Variants in SHC4 observed in about 807,000 individuals in gnomAD.
The protein encoded by SHC4 is SHC-transforming protein 4.
A neutral mutation model predicts 69.4 loss-of-function variants in SHC4; 41 were observed. That is an observed-to-expected ratio of 0.59 (90% CI 0.46 to 0.77). SHC4 has a LOEUF of 0.77. Among genes scored for constraint, SHC4 ranks in the 30% least tolerant of loss-of-function variants. The probability of loss-of-function intolerance (pLI) is 0.00; values close to 1 mark genes in which losing one functional copy is unlikely to be tolerated. For missense variants in SHC4, 777 were observed against 783.8 expected (o/e 0.99, Z 0.10); for synonymous variants, 318 against 299.3 (o/e 1.06, Z -0.64).
chr15:48,869,927 TTGTTTTTTA>T (rs1899635118), intron 5 of SHC4, among the ~76,000 whole-genome samples: 1 of 152,204 alleles, frequency 6.6e-6, no homozygotes, highest in Non-Finnish European at 1.5e-5. Context: ...TATTTAATGT[TTGTTTTTTA>T]TAGGAACAGT....
chr15:48,922,969 A>C (rs1163012629), intron 2 of SHC4, among the ~76,000 whole-genome samples: 1 of 152,206 alleles, frequency 6.6e-6, no homozygotes, highest in Non-Finnish European at 1.5e-5. Context: ...AAATACTGGA[A>C]GTGTAGTCAG....
At chr15:48,864,818 A>G (rs1400225612) in intron 6 of SHC4, among the ~76,000 whole-genome samples, 3 of 152,156 alleles carry the variant, frequency 2.0e-5, no homozygotes, top group African/African-American at 4.8e-5. Context: ...GCAAAACATA[A>G]TAATATTTTT....
In SHC4 at chr15:48,867,857, A is replaced by C. The variant is rs776596645; in HGVS notation, c.907T>G (p.Tyr303Asp). Residue 303 changes from tyrosine to aspartate, a missense_variant, in exon 6 of 12, where the codon TAT becomes GAT. Physicochemically the swap from Tyr to Asp is radical, Grantham distance 160. Coordinates refer to ENST00000332408, the MANE Select transcript of SHC4 (RefSeq NM_203349.4). ...ASGGDPDTTDYVAYVAKDPVN... is the reference protein window; with the variant it reads ...ASGGDPDTTDDVAYVAKDPVN... ...GGATCTTTAGCTACGTAGGCAACAT[A>C]GTCTGTAGTATCCTATAAAAAAGGG... 6.2e-7 allele frequency: 1 copy of C among 1,613,358 alleles called. No homozygotes were observed. Among genetic ancestry groups the C allele is most frequent in the Non-Finnish European group, 8.5e-7 (1 of 1,179,468 alleles).
At chr15:48,934,571 A>G (rs1424188360) in intron 1 of SHC4, among the ~76,000 whole-genome samples, 1 of 152,204 alleles carries the variant, frequency 6.6e-6, no homozygotes, top group East Asian at 1.9e-4. Context: ...AATTACCCAT[A>G]TGACCCAGCA....
chr15:48,937,789 T>A (rs1901101442), intron 1 of SHC4, among the ~76,000 whole-genome samples: 1 of 152,206 alleles, frequency 6.6e-6, no homozygotes, highest in Non-Finnish European at 1.5e-5. Flanking sequence ...AGACAGTAAG[T>A]ATTGTGCTCA....
intron 10 of SHC4, among the ~76,000 whole-genome samples, chr15:48,840,573 A>C (rs1464459067): frequency 6.6e-6 from 1 of 152,168 alleles, no homozygotes; most frequent in Non-Finnish European, 1.5e-5. Flanking sequence ...AGAAAATAGA[A>C]GGATCCATTA....
intron 2 of SHC4, among the ~76,000 whole-genome samples, chr15:48,904,804 T>C (rs1020332615): frequency 2.0e-5 from 3 of 151,900 alleles, no homozygotes. Flanking sequence ...GAGGATCACT[T>C]GAGCCCAGGA....
chr15:48,957,002 G>A, intron 1 of SHC4, among the ~76,000 whole-genome samples: 2 of 98,878 alleles, frequency 2.0e-5, no homozygotes, highest in African/African-American at 4.0e-5. Context: ...TTTTGAGACA[G>A]AGTCTTGCTC....
chr15:48,857,301 C>T (rs990943183), intron 7 of SHC4, among the ~76,000 whole-genome samples: 6 of 151,416 alleles, frequency 4.0e-5, no homozygotes, highest in Non-Finnish European at 7.4e-5. Context: ...TTTGTTCTTG[C>T]TGTGTTTTTT....
chr15:48,878,248 C>T (rs370992223), intron 4 of SHC4: 131 of 1,610,946 alleles, frequency 8.1e-5, no homozygotes, highest in Non-Finnish European at 1.1e-4. Flanking sequence ...TGATGCCTGG[C>T]GAGGGTGACC....
chr15:48,893,344 A>T (rs763957698), intron 2 of SHC4, among the ~76,000 whole-genome samples: 1 of 152,222 alleles, frequency 6.6e-6, no homozygotes, highest in Non-Finnish European at 1.5e-5. Context: ...ACTAAGAAAT[A>T]AGAGTCTAAA....
chr15:48,911,553 C>T (rs2141017065), intron 2 of SHC4, among the ~76,000 whole-genome samples: 1 of 152,248 alleles, frequency 6.6e-6, no homozygotes, highest in East Asian at 1.9e-4. Context: ...GCATTTAGGC[C>T]ATTTACATTC....
At chr15:48,859,209 C>T (rs1899388511) in intron 6 of SHC4, among the ~76,000 whole-genome samples, 1 of 151,950 alleles carries the variant, frequency 6.6e-6, no homozygotes, top group African/African-American at 2.4e-5. Context: ...TGTTTCTCAG[C>T]CTTATGTTAA....
intron 1 of SHC4, among the ~76,000 whole-genome samples, chr15:48,937,583 CATAGATAGATAG>C (rs5812469): frequency 3.2e-4 from 48 of 147,930 alleles, no homozygotes; most frequent in South Asian, 6.6e-4. Flanking sequence ...CACACAGACA[CATAGATAGATAG>C]ATAGATAGAT....
At chr15:48,949,421 C>T (rs1901330467) in intron 1 of SHC4, among the ~76,000 whole-genome samples, 1 of 151,624 alleles carries the variant, frequency 6.6e-6, no homozygotes, top group Non-Finnish European at 1.5e-5. Flanking sequence ...CTACCCTCTT[C>T]ATCAAATTAT....
At chr15:48,846,358 C>T (rs1899092845) in intron 9 of SHC4, among the ~76,000 whole-genome samples, 1 of 152,084 alleles carries the variant, frequency 6.6e-6, no homozygotes, top group Non-Finnish European at 1.5e-5. Context: ...GAGCATAGTG[C>T]CTGCCTTATA....
chr15:48,890,913 CATA>C, intron 2 of SHC4, 102 bp from the exon 3 acceptor site: 1 of 1,201,092 alleles, frequency 8.3e-7, no homozygotes. Context: ...AGTACACATA[CATA>C]ATAGTGAGTC....
At chr15:48,891,600 T>C (rs778560785) in intron 2 of SHC4, among the ~76,000 whole-genome samples, 3 of 152,224 alleles carry the variant, frequency 2.0e-5, no homozygotes, top group Non-Finnish European at 4.4e-5. Flanking sequence ...AACCTTAGCC[T>C]TGTGGCTTTG....
intron 1 of SHC4, among the ~76,000 whole-genome samples, chr15:48,948,904 T>C (rs772321170): frequency 1.3e-4 from 20 of 151,960 alleles, no homozygotes; most frequent in Non-Finnish European, 1.8e-4. Context: ...AGACCTTGTC[T>C]CAAAAAAGAA....
Sources: gnomAD v4.1 joint callset for allele counts (sites outside exome capture counted in the v4.1 genomes callset) on GRCh38, gnomAD v4.1.1 for gene constraint, MANE v1.5 for transcripts, NCBI Gene and HGNC (gene_info 2026-07-23, HGNC 2026-07-21) for gene names.